ARID1B: variants seen among roughly 807,000 people sequenced by gnomAD.
ARID1B encodes AT-rich interactive domain-containing protein 1B.
ARID1B carries 30 observed loss-of-function variants against 212.3 expected under a neutral mutation model. The ratio of observed to expected loss-of-function variants is 0.14; its 90% CI spans 0.11 to 0.19. The LOEUF is 0.19. ARID1B is among the 10% of genes least tolerant of loss of function. The probability of loss-of-function intolerance (pLI) is 1.00; values close to 1 mark genes in which losing one functional copy is unlikely to be tolerated. For synonymous variants in ARID1B, 1,402 were observed against 1,301.7 expected (o/e 1.08, Z -1.66); for missense variants, 2,891 against 3,204.0 (o/e 0.90, Z 2.36).
At chr6:156,850,346 T>C (rs992963888) in intron 2 of ARID1B, among the ~76,000 whole-genome samples, 2 of 152,208 alleles carry the variant, frequency 1.3e-5, no homozygotes, top group African/African-American at 4.8e-5. Context: ...TATTCTTATT[T>C]AGGATTGAAT....
At chr6:156,950,332 C>G (rs1478325790) in intron 4 of ARID1B, among the ~76,000 whole-genome samples, 3 of 152,142 alleles carry the variant, frequency 2.0e-5, no homozygotes, top group Admixed American at 1.3e-4. Context: ...GAGCAACCAG[C>G]CATGAAGGAT....
At chr6:157,133,558 T>C (rs1788699013) in intron 7 of ARID1B, among the ~76,000 whole-genome samples, 1 of 152,144 alleles carries the variant, frequency 6.6e-6, no homozygotes, top group African/African-American at 2.4e-5. Context: ...ACTTGGGCTT[T>C]GTTGGGTTGG....
chr6:157,004,890 CTTTTTTCTTTTTTTTTTTTTTTTTTTTTT>C (rs1779125433), intron 4 of ARID1B, among the ~76,000 whole-genome samples: 1 of 35,688 alleles, frequency 2.8e-5, no homozygotes, highest in African/African-American at 6.5e-5. Flanking sequence ...TTTTCTTCTT[CTTTTTTCTTTTTTTTTTTTTTTTTTTTTT>C]TTTTTTTTTT....
intron 4 of ARID1B, among the ~76,000 whole-genome samples, chr6:156,953,869 A>G (rs768660691): frequency 1.7e-4 from 26 of 152,230 alleles, no homozygotes; most frequent in Non-Finnish European, 3.5e-4. Flanking sequence ...TAGAGTGGTT[A>G]CTGAACTATC....
chr6:156,806,910 C>T (rs974236652), intron 1 of ARID1B, among the ~76,000 whole-genome samples: 6 of 152,166 alleles, frequency 3.9e-5, no homozygotes, highest in African/African-American at 1.2e-4. Flanking sequence ...GAGGAGGCTG[C>T]GTGCCAGAAA....
At chr6:157,003,304 G>T (rs1321656252) in intron 4 of ARID1B, among the ~76,000 whole-genome samples, 2 of 152,228 alleles carry the variant, frequency 1.3e-5, no homozygotes, top group Non-Finnish European at 2.9e-5. Context: ...GGACAACACA[G>T]CCATGGAGGT....
At chr6:157,105,749 G>C (rs891049727) in intron 5 of ARID1B, among the ~76,000 whole-genome samples, 1 of 151,974 alleles carries the variant, frequency 6.6e-6, no homozygotes, top group Non-Finnish European at 1.5e-5. Context: ...TTACAGGCAC[G>C]CATCACCATA....
Position 156,892,429 on chromosome 6 carries a change from CAAG to C in ARID1B, c.1987-8944_1987-8942del, listed in dbSNP as rs527411164. ...CAAAATTTACATCTAGGTCTAAAGG[CAAG>C]AAAGATTTAAGCATAAATGTGTTAA... On this transcript the variant is annotated intron_variant, in intron 2 of 19. Transcript: ENST00000636930. Among the ~76,000 whole-genome samples, 172 of 152,074 alleles carry C rather than the reference CAAG, an allele frequency of 1.1e-3. 2 individuals carry two copies. The highest frequency in any genetic ancestry group is 9.6e-3 in the South Asian group (46 of 4,808).
At chr6:156,913,737 A>G (rs542263935) in intron 3 of ARID1B, among the ~76,000 whole-genome samples, 22 of 137,424 alleles carry the variant, frequency 1.6e-4, no homozygotes, top group Non-Finnish European at 3.1e-4. Flanking sequence ...CCACTTCCCA[A>G]CTCCCAGCCC....
At chr6:156,917,494 G>C (rs182104268) in intron 3 of ARID1B, among the ~76,000 whole-genome samples, 568 of 151,980 alleles carry the variant, frequency 3.7e-3, no homozygotes, top group South Asian at 0.031. Flanking sequence ...AGGCTTAGGA[G>C]AAGATGTTGA....
intron 2 of ARID1B, among the ~76,000 whole-genome samples, chr6:156,880,153 G>A (rs930000976): frequency 2.0e-5 from 3 of 152,202 alleles, no homozygotes; most frequent in African/African-American, 7.2e-5. Flanking sequence ...CTGGGAGAGG[G>A]AGACATCTTA....
At chr6:157,197,377 G>T (rs541366331) in intron 16 of ARID1B, among the ~76,000 whole-genome samples, 152 of 152,358 alleles carry the variant, frequency 1.0e-3, no homozygotes, top group African/African-American at 3.5e-3. Flanking sequence ...CAGCCCACAT[G>T]CTGGGGTCAC....
At chr6:157,164,357 G>A (rs369868728) in intron 8 of ARID1B, among the ~76,000 whole-genome samples, 5 of 152,298 alleles carry the variant, frequency 3.3e-5, no homozygotes, top group South Asian at 2.1e-4. Context: ...AGATGGACAC[G>A]GATGGACAGT....
chr6:156,860,535 T>C (rs770669188), intron 2 of ARID1B, among the ~76,000 whole-genome samples: 7 of 152,204 alleles, frequency 4.6e-5, no homozygotes, highest in Non-Finnish European at 7.3e-5. Context: ...AGAATATTAC[T>C]ATACTCTAGA....
chr6:157,108,606 T>C (rs1458958557), intron 5 of ARID1B, among the ~76,000 whole-genome samples: 1 of 152,208 alleles, frequency 6.6e-6, no homozygotes, highest in Non-Finnish European at 1.5e-5. Flanking sequence ...GACCCTGCAG[T>C]GAGCACACAG....
At chr6:157,184,566 C>A in intron 13 of ARID1B, 131 bp downstream of exon 13, 1 of 1,071,106 alleles carries the variant, frequency 9.3e-7, no homozygotes, top group Non-Finnish European at 1.4e-6. Context: ...GTTCCTGTGT[C>A]GTTTTGTTTA....
intron 2 of ARID1B, among the ~76,000 whole-genome samples, chr6:156,860,074 G>A (rs1785221502): frequency 6.6e-6 from 1 of 152,198 alleles, no homozygotes; most frequent in Admixed American, 6.5e-5. Context: ...TAGTGGATAA[G>A]TCCATTGCAT....
intron 5 of ARID1B, among the ~76,000 whole-genome samples, chr6:157,099,537 T>C (rs1280096826): frequency 2.0e-5 from 3 of 152,204 alleles, no homozygotes; most frequent in Admixed American, 2.0e-4. Flanking sequence ...GTATGTTTAA[T>C]TAATAAAAGA....
At chr6:157,126,246 T>C (rs1788129202) in intron 6 of ARID1B, among the ~76,000 whole-genome samples, 1 of 152,158 alleles carries the variant, frequency 6.6e-6, no homozygotes, top group African/African-American at 2.4e-5. Flanking sequence ...TATTTGACTC[T>C]CAGGGTGAAT....
Sources: gnomAD v4.1 joint callset for allele counts (sites outside exome capture counted in the v4.1 genomes callset) on GRCh38, gnomAD v4.1.1 for gene constraint, MANE v1.5 for transcripts, NCBI Gene and HGNC (gene_info 2026-07-23, HGNC 2026-07-21) for gene names.